The following DLG2 variants were observed in gnomAD, a reference collection of about 807,000 sequenced individuals.
DLG2 encodes discs large MAGUK scaffold protein 2, also known as disks large homolog 2.
Under a neutral mutation model 132.5 loss-of-function variants are expected in DLG2, and 45 were observed. The ratio of observed to expected loss-of-function variants is 0.34; its 90% CI spans 0.27 to 0.44. The LOEUF (loss-of-function observed/expected upper bound fraction) is 0.44, where lower values mean the gene tolerates loss of function less well. DLG2 is among the 20% of genes least tolerant of loss of function. The pLI, the probability that DLG2 is intolerant of heterozygous loss-of-function variation, is 1.00. For synonymous variants in DLG2, 424 were observed against 419.6 expected, an observed-to-expected ratio of 1.01 and a Z score of -0.13; for missense variants, 1,045 against 1,196.9, an observed-to-expected ratio of 0.87 and a Z score of 1.87.
chr11:84,841,723 G>A (rs1307369454), intron 6 of DLG2, among the ~76,000 whole-genome samples: 1 of 151,968 alleles, frequency 6.6e-6, no homozygotes, highest in East Asian at 1.9e-4. Context: ...TGCACATTAT[G>A]TTACAGTATA....
intron 6 of DLG2, among the ~76,000 whole-genome samples, chr11:84,660,627 T>G (rs1027799209): frequency 3.3e-5 from 5 of 152,150 alleles, no homozygotes; most frequent in Admixed American, 6.6e-5. Flanking sequence ...CAGTTTGAAC[T>G]AGACTATGAT....
chr11:84,606,993 C>G (rs905799145), intron 6 of DLG2, among the ~76,000 whole-genome samples: 13 of 152,066 alleles, frequency 8.5e-5, no homozygotes, highest in African/African-American at 3.1e-4. Context: ...TAAATCATTT[C>G]TACTTTTTAA....
At chr11:85,022,480 TA>T (rs541809320) in intron 6 of DLG2, among the ~76,000 whole-genome samples, 1 of 152,064 alleles carries the variant, frequency 6.6e-6, no homozygotes, top group Non-Finnish European at 1.5e-5. Flanking sequence ...GGATTACCTA[TA>T]AACATAAACT....
intron 18 of DLG2, among the ~76,000 whole-genome samples, chr11:83,770,353 AAAAG>A (rs1038538625): frequency 2.7e-5 from 4 of 150,788 alleles, no homozygotes; most frequent in Admixed American, 1.3e-4. Flanking sequence ...ATTAAAAAAA[AAAAG>A]AAAGTAAAGG....
At chr11:85,111,778 G>A in intron 5 of DLG2, 43 bp from the exon 6 acceptor site, 1 of 1,420,734 alleles carries the variant, frequency 7.0e-7, no homozygotes, top group Non-Finnish European at 9.7e-7. Context: ...TTTATTATGG[G>A]CCAGTATGTA....
intron 3 of DLG2, among the ~76,000 whole-genome samples, chr11:85,392,147 C>T (rs1289649503): frequency 6.6e-6 from 1 of 151,910 alleles, no homozygotes; most frequent in Non-Finnish European, 1.5e-5. Flanking sequence ...CCAACAGCGA[C>T]CAAGTTGAAA....
chr11:85,311,580 C>A (rs150970562), intron 3 of DLG2, among the ~76,000 whole-genome samples: 1 of 152,066 alleles, frequency 6.6e-6, no homozygotes, highest in Admixed American at 6.6e-5. Context: ...TCTCTGGTTA[C>A]CCATGCTGAG....
chr11:85,472,495 C>G (rs1299177275), intron 3 of DLG2, among the ~76,000 whole-genome samples: 1 of 152,028 alleles, frequency 6.6e-6, no homozygotes, highest in Non-Finnish European at 1.5e-5. Context: ...AGACAGGGTT[C>G]CTCCATGTTG....
chr11:84,280,580 A>G (rs2097843599), intron 7 of DLG2, among the ~76,000 whole-genome samples: 2 of 152,130 alleles, frequency 1.3e-5, no homozygotes, highest in African/African-American at 4.8e-5. Flanking sequence ...AGGCATGTAC[A>G]CTGAAAACTA....
intron 6 of DLG2, among the ~76,000 whole-genome samples, chr11:84,858,841 AAG>A (rs2083157603): frequency 6.6e-6 from 1 of 152,076 alleles, no homozygotes. Context: ...CTCAAACAAA[AAG>A]AAACAATTAG....
intron 18 of DLG2, among the ~76,000 whole-genome samples, chr11:83,661,484 T>C (rs533907320): frequency 1.3e-5 from 2 of 152,332 alleles, no homozygotes; most frequent in African/African-American, 2.4e-5. Context: ...GAGCACCTAC[T>C]ATGTGCCAGA....
chr11:83,672,195 T>G (rs1351594810), intron 18 of DLG2, among the ~76,000 whole-genome samples: 1 of 152,074 alleles, frequency 6.6e-6, no homozygotes, highest in Admixed American at 6.5e-5. Flanking sequence ...TTTCTTTTTC[T>G]TCTTCTTTTT....
At chr11:84,505,415 G>A (rs1025585843) in intron 7 of DLG2, among the ~76,000 whole-genome samples, 1 of 152,122 alleles carries the variant, frequency 6.6e-6, no homozygotes, top group African/African-American at 2.4e-5. Context: ...GGCAATCTGA[G>A]ACTTAACAAG....
chr11:85,121,414 G>A (rs2074300708), intron 5 of DLG2, among the ~76,000 whole-genome samples: 1 of 150,622 alleles, frequency 6.6e-6, no homozygotes, highest in East Asian at 1.9e-4. Context: ...ATATTATAAA[G>A]TCAAATAATT....
chr11:84,606,961 T>C (rs1388565245), intron 6 of DLG2, among the ~76,000 whole-genome samples: 1 of 152,176 alleles, frequency 6.6e-6, no homozygotes, highest in Non-Finnish European at 1.5e-5. Flanking sequence ...AGTGTCATAT[T>C]TGAAAGCATT....
intron 6 of DLG2, among the ~76,000 whole-genome samples, chr11:84,716,935 G>C (rs1389650292): frequency 1.3e-5 from 2 of 151,954 alleles, no homozygotes; most frequent in African/African-American, 2.4e-5. Context: ...ATAATGCCTA[G>C]CATGGAAAGA....
At chr11:84,252,204 T>A (rs1277287530) in intron 7 of DLG2, among the ~76,000 whole-genome samples, 3 of 140,108 alleles carry the variant, frequency 2.1e-5, no homozygotes, top group Non-Finnish European at 4.5e-5. Flanking sequence ...TGCTGGAGTG[T>A]GCAGTGGTGC....
intron 6 of DLG2, among the ~76,000 whole-genome samples, chr11:84,708,814 AC>A (rs2153752193): frequency 6.6e-6 from 1 of 152,058 alleles, no homozygotes; most frequent in Admixed American, 6.6e-5. Flanking sequence ...GTCTCATTTT[AC>A]AAAATTCAAA....
At chr11:84,611,065 A>ACT (rs1555094182) in intron 6 of DLG2, among the ~76,000 whole-genome samples, 5 of 148,796 alleles carry the variant, frequency 3.4e-5, no homozygotes, top group Non-Finnish European at 6.0e-5. Flanking sequence ...ACACACACAC[A>ACT]CTATATGTTT....
Sources: allele counts gnomAD v4.1 joint callset (sites outside exome capture counted in the v4.1 genomes callset), GRCh38; gene constraint gnomAD v4.1.1; transcripts MANE v1.5; gene names NCBI Gene and HGNC (gene_info 2026-07-23, HGNC 2026-07-21).